Variants in CABIN1 observed in about 807,000 individuals in gnomAD.
CABIN1 encodes calcineurin binding protein 1.
CABIN1 carries 133 observed loss-of-function variants against 227.7 expected under a neutral mutation model. That is an observed-to-expected ratio of 0.58 (90% CI 0.51 to 0.67). The LOEUF (loss-of-function observed/expected upper bound fraction) is 0.67. Ranked by LOEUF, CABIN1 falls within the 30% of genes least tolerant of loss-of-function variation. CABIN1 has a pLI of 0.00. For missense variants in CABIN1, 2,408 were observed against 2,852.5 expected (o/e 0.84, Z 3.55); for synonymous variants, 1,086 against 1,155.1 (o/e 0.94, Z 1.21).
intron 18 of CABIN1, among the ~76,000 whole-genome samples, chr22:24,073,546 C>A (rs900801517): frequency 5.3e-5 from 8 of 152,320 alleles, no homozygotes; most frequent in African/African-American, 1.4e-4. Context: ...CAGCTGCTCA[C>A]TACATGTCAG....
At chr22:24,119,108 T>C (rs192569993) in intron 27 of CABIN1, among the ~76,000 whole-genome samples, 77 of 152,302 alleles carry the variant, frequency 5.1e-4, no homozygotes, top group African/African-American at 1.8e-3. Flanking sequence ...AGCCCATAAC[T>C]TCCCCTCTCT....
chr22:24,093,376 C>A (rs758381123), intron 24 of CABIN1, among the ~76,000 whole-genome samples: 2 of 150,774 alleles, frequency 1.3e-5, no homozygotes, highest in Non-Finnish European at 3.0e-5. Flanking sequence ...TATGGTGAAA[C>A]CTTATCTCTA....
At chr22:24,037,495 AG>A (rs1276747584) in intron 3 of CABIN1, among the ~76,000 whole-genome samples, 1 of 151,858 alleles carries the variant, frequency 6.6e-6, no homozygotes, top group Non-Finnish European at 1.5e-5. Context: ...TTGTAGAGAC[AG>A]GGGTCTCTCT....
chr22:24,171,879 C>T lies in CABIN1; in HGVS notation c.5924C>T (p.Thr1975Ile), dbSNP rs1398118160. The change falls in exon 34 of 37, where the codon ACT becomes ATT. Residue 1975 changes from threonine (T) to isoleucine (I), a missense_variant. Coordinates refer to ENST00000263119, the MANE Select transcript of CABIN1 (RefSeq NM_012295.4). ...KPRPALAAATTIITCPPSASA... is the reference protein window; with the variant it reads ...KPRPALAAATIIITCPPSASA... ...CGCCCTGCACTAGCTGCCGCCACAA[C>T]TATTATCACCTGCCCTCCGTCAGCA... is the stretch of plus-strand genomic sequence containing the variant. 6.2e-7 allele frequency: 1 copy of T among 1,614,144 alleles called. No individual in the cohort carries two copies. Among genetic ancestry groups the T allele is most frequent in the African/African-American group, 1.3e-5 (1 of 75,080 alleles).
At chr22:24,115,862 GT>G (rs944892191) in intron 27 of CABIN1, among the ~76,000 whole-genome samples, 7 of 152,218 alleles carry the variant, frequency 4.6e-5, no homozygotes, top group African/African-American at 1.7e-4. Flanking sequence ...CATCATTAAT[GT>G]TGTGGGGTAC....
intron 27 of CABIN1, among the ~76,000 whole-genome samples, chr22:24,116,453 G>T (rs929679405): frequency 5.3e-5 from 8 of 152,214 alleles, no homozygotes; most frequent in Non-Finnish European, 1.2e-4. Flanking sequence ...CCACATGCAG[G>T]ATAGGGTGAT....
chr22:24,163,059 A>G (rs1336611743), intron 29 of CABIN1, among the ~76,000 whole-genome samples: 1 of 152,212 alleles, frequency 6.6e-6, no homozygotes, highest in African/African-American at 2.4e-5. Flanking sequence ...CCACATCTGC[A>G]TGGTAGGAAG....
At chr22:24,147,811 C>G (rs1487194328) in intron 29 of CABIN1, among the ~76,000 whole-genome samples, 3 of 152,212 alleles carry the variant, frequency 2.0e-5, no homozygotes, top group African/African-American at 7.2e-5. Flanking sequence ...GTTCTACATG[C>G]TTTGTCCTCG....
intron 29 of CABIN1, among the ~76,000 whole-genome samples, 161 bp downstream of exon 29, chr22:24,134,576 G>A (rs895951679): frequency 3.9e-5 from 6 of 152,174 alleles, no homozygotes; most frequent in African/African-American, 1.4e-4. Flanking sequence ...GCCAGACTCC[G>A]GTGTGGGGCT....
intron 29 of CABIN1, among the ~76,000 whole-genome samples, chr22:24,157,047 A>C (rs1351539338): frequency 6.6e-6 from 1 of 151,406 alleles, no homozygotes; most frequent in Non-Finnish European, 1.5e-5. Context: ...CCCCGCCTGG[A>C]GAGACAGGAC....
chr22:24,064,159 A>G lies in CABIN1; in HGVS notation c.2009A>G (p.His670Arg), dbSNP rs1224848939. ...RDIVIRLPNL[H>R]NDSVVSLEEI... ...ATTGTCATCCGGCTGCCCAACCTCCATAATGACTCTGTGGTTTCCCTGGAG... is the reference window on the plus strand; with the variant it reads ...ATTGTCATCCGGCTGCCCAACCTCCGTAATGACTCTGTGGTTTCCCTGGAG... The change falls in exon 15 of 37, where the codon CAT becomes CGT. Residue 670 changes from histidine (H) to arginine (R), a missense_variant. By Grantham distance (29) the His-to-Arg change is conservative (BLOSUM62 0). Coordinates refer to ENST00000263119, the MANE Select transcript of CABIN1 (RefSeq NM_012295.4). The G allele has an allele frequency of 1.9e-6, 3 of 1,614,248 alleles. No homozygotes were observed. The highest frequency in any genetic ancestry group is 3.3e-5 in the Admixed American group (2 of 60,034).
chr22:24,163,813 G>C (rs2046294506), intron 29 of CABIN1, among the ~76,000 whole-genome samples: 2 of 152,218 alleles, frequency 1.3e-5, no homozygotes, highest in South Asian at 4.1e-4. Context: ...GAGATAATGG[G>C]GGGTGCTCCC....
Position 24,050,975 on chromosome 22 carries a change from G to GT in CABIN1, c.806+2dup. 1.2e-6 allele frequency: 2 copies of GT among 1,614,138 alleles called. No homozygotes were observed. The highest frequency in any genetic ancestry group is 2.2e-5 in the South Asian group (2 of 91,082). ...TTGTGCAGCCCATTCCTTTCTTCAC[G>GT]TAGGTTGTCTAGCGTCTCTGGGAGT... On this transcript the variant is annotated splice_donor_variant, in intron 8 of 36. Transcript: ENST00000263119. LOFTEE classifies it high-confidence loss of function.
chr22:24,100,474 G>A (rs550042439), intron 26 of CABIN1, among the ~76,000 whole-genome samples: 6 of 152,366 alleles, frequency 3.9e-5, no homozygotes, highest in Admixed American at 2.0e-4. Flanking sequence ...GCCTCAAGGG[G>A]CCACACTGCC....
intron 27 of CABIN1, among the ~76,000 whole-genome samples, chr22:24,114,399 C>T (rs1430916614): frequency 6.6e-6 from 1 of 152,106 alleles, no homozygotes; most frequent in Non-Finnish European, 1.5e-5. Context: ...CTGGCCAGGG[C>T]CAGGGCTTAC....
chr22:24,175,187 G>T (rs769107987), intron 34 of CABIN1, among the ~76,000 whole-genome samples: 7 of 152,242 alleles, frequency 4.6e-5, no homozygotes. Flanking sequence ...AGGGGGCGAG[G>T]GGGTGGAGGC....
intron 1 of CABIN1, among the ~76,000 whole-genome samples, chr22:24,013,949 GCAT>G (rs2146369082): frequency 6.6e-6 from 1 of 152,298 alleles, no homozygotes; most frequent in South Asian, 2.1e-4. Flanking sequence ...CTTTCTCAGT[GCAT>G]CACATGGAGT....
At chr22:24,085,487 C>T (rs1461422400) in intron 22 of CABIN1, among the ~76,000 whole-genome samples, 1 of 152,230 alleles carries the variant, frequency 6.6e-6, no homozygotes, top group East Asian at 1.9e-4. Flanking sequence ...GTGCTGCCCC[C>T]TTTCACAGCC....
chr22:24,164,513 C>A lies in CABIN1; in HGVS notation c.4860C>A (p.Ser1620Arg). 15 of 1,606,164 alleles carry A rather than the reference C, an allele frequency of 9.3e-6. No homozygotes were observed. Among genetic ancestry groups the A allele is most frequent in the Non-Finnish European group, 1.3e-5 (15 of 1,179,954 alleles). ...LKVLAQLRDH[S>R]TLLKVSSMLQ... ...TGCTGGCCCAGCTGCGGGACCACAGCACCCTGCTGAAGGTGTCCTCCATGC... is the reference window on the plus strand; with the variant it reads ...TGCTGGCCCAGCTGCGGGACCACAGAACCCTGCTGAAGGTGTCCTCCATGC... The change falls in exon 30 of 37, where the codon AGC becomes AGA. Residue 1620 changes from serine (S) to arginine (R), a missense_variant. Ser to Arg is a moderately radical substitution (Grantham distance 110, BLOSUM62 -1). Coordinates refer to ENST00000263119, the MANE Select transcript of CABIN1 (RefSeq NM_012295.4).
Sources: allele counts gnomAD v4.1 joint callset (sites outside exome capture counted in the v4.1 genomes callset), GRCh38; gene constraint gnomAD v4.1.1; transcripts MANE v1.5; gene names NCBI Gene and HGNC (gene_info 2026-07-23, HGNC 2026-07-21).